Variants in CAMK2B observed in about 807,000 individuals in gnomAD.
CAMK2B encodes calcium/calmodulin-dependent protein kinase type II subunit beta.
Under a neutral mutation model 93.7 loss-of-function variants are expected in CAMK2B, and 27 were observed. The ratio of observed to expected loss-of-function variants is 0.29; its 90% CI spans 0.21 to 0.40. The LOEUF (loss-of-function observed/expected upper bound fraction) is 0.40. CAMK2B is among the 10% of genes least tolerant of loss of function. The pLI is 1.00. For synonymous variants in CAMK2B, 374 were observed against 358.8 expected (o/e 1.04, Z -0.48); for missense variants, 568 against 895.8 (o/e 0.63, Z 4.67).
chr7:44,308,692 T>A (rs1425008005), intron 1 of CAMK2B, among the ~76,000 whole-genome samples: 1 of 151,964 alleles, frequency 6.6e-6, no homozygotes, highest in Non-Finnish European at 1.5e-5. Flanking sequence ...GCCCCCCATA[T>A]CCCACCTTGT....
chr7:44,232,494 G>A (rs2096588821), intron 16 of CAMK2B, among the ~76,000 whole-genome samples: 1 of 152,156 alleles, frequency 6.6e-6, no homozygotes, highest in African/African-American at 2.4e-5. Flanking sequence ...CAAGGATGCA[G>A]CTCCTGAGAT....
intron 6 of CAMK2B, among the ~76,000 whole-genome samples, chr7:44,245,504 T>C (rs1000341681): frequency 2.0e-5 from 3 of 152,144 alleles, no homozygotes; most frequent in African/African-American, 7.2e-5. Context: ...GGCTCCAGAG[T>C]TAACCAGATA....
chr7:44,270,307 G>A (rs2096962584), intron 2 of CAMK2B, among the ~76,000 whole-genome samples: 1 of 152,182 alleles, frequency 6.6e-6, no homozygotes, highest in South Asian at 2.1e-4. Context: ...GCCCTGGCCT[G>A]GAAGCAGTGG....
At chr7:44,244,980 A>G (rs917235896) in intron 6 of CAMK2B, 1 of 455,850 alleles carries the variant, frequency 2.2e-6, no homozygotes, top group Non-Finnish European at 4.4e-6. Flanking sequence ...GATTTTGCCA[A>G]CGTGAGTGGG....
At chr7:44,272,873 G>A (rs531374584) in intron 2 of CAMK2B, among the ~76,000 whole-genome samples, 1 of 152,332 alleles carries the variant, frequency 6.6e-6, no homozygotes, top group African/African-American at 2.4e-5. Context: ...CAGCTTGCGG[G>A]GTGCAGCTCA....
At chr7:44,283,661 C>T (rs575273563) in intron 2 of CAMK2B, among the ~76,000 whole-genome samples, 2 of 152,368 alleles carry the variant, frequency 1.3e-5, no homozygotes, top group East Asian at 3.9e-4. Context: ...CCAACCGCAG[C>T]ACTGCCCGGT....
intron 2 of CAMK2B, among the ~76,000 whole-genome samples, chr7:44,281,883 C>T (rs936937202): frequency 6.6e-6 from 1 of 152,214 alleles, no homozygotes; most frequent in African/African-American, 2.4e-5. Flanking sequence ...TCCAGGACCC[C>T]CACCTGCCTC....
chr7:44,280,127 G>C (rs755435762), intron 2 of CAMK2B, among the ~76,000 whole-genome samples: 2 of 152,196 alleles, frequency 1.3e-5, no homozygotes, highest in Non-Finnish European at 2.9e-5. Flanking sequence ...CCGAGGTCTC[G>C]CACAATTGAG....
chr7:44,265,683 C>T (rs1484400344), intron 2 of CAMK2B, among the ~76,000 whole-genome samples: 1 of 152,190 alleles, frequency 6.6e-6, no homozygotes, highest in Non-Finnish European at 1.5e-5. Context: ...ATACCTATTC[C>T]TGAGCATGTG....
At position 44,234,583 on chromosome 7, in the gene CAMK2B, G is replaced by A. The variant is rs567739612; in HGVS notation, c.1059+56C>T. The A allele has an allele frequency of 2.5e-6, 4 of 1,606,018 alleles. No individual in the cohort carries two copies. The African/African-American group carries it at 4.0e-5, about 16-fold the overall frequency. On this transcript the variant is annotated intron_variant, in intron 14 of 23. Transcript: ENST00000395749. ...CAGAGCAGGAGCCCCAGGGCGTGGG[G>A]GTGAAGCTGCAGGCTCTGGGCTCCC...
chr7:44,230,707 TTTCCCC>T (rs2096570957), intron 17 of CAMK2B, among the ~76,000 whole-genome samples: 1 of 152,238 alleles, frequency 6.6e-6, no homozygotes, highest in Non-Finnish European at 1.5e-5. Context: ...CATGGGCCTG[TTTCCCC>T]GTGAGGGTCC....
intron 3 of CAMK2B, among the ~76,000 whole-genome samples, chr7:44,260,623 C>T (rs942288396): frequency 3.9e-5 from 6 of 152,156 alleles, no homozygotes; most frequent in Non-Finnish European, 8.8e-5. Context: ...ATTATGTAAC[C>T]TTTGTGGTGC....
At chr7:44,253,885 A>G (rs2096804808) in intron 5 of CAMK2B, among the ~76,000 whole-genome samples, 1 of 148,798 alleles carries the variant, frequency 6.7e-6, no homozygotes, top group South Asian at 2.1e-4. Context: ...GGTGTGAGCT[A>G]CCATGCCTGG....
chr7:44,307,052 AG>A (rs1791959833), intron 1 of CAMK2B, among the ~76,000 whole-genome samples: 1 of 88,692 alleles, frequency 1.1e-5, no homozygotes. Flanking sequence ...GGCGGTGAGC[AG>A]GGGGAGGAGG....
At chr7:44,272,669 C>T (rs2096985776) in intron 2 of CAMK2B, among the ~76,000 whole-genome samples, 4 of 152,214 alleles carry the variant, frequency 2.6e-5, no homozygotes, top group Admixed American at 2.6e-4. Flanking sequence ...GAGCCGAGGG[C>T]CTCGTCACTA....
rs191414856 is a variant in CAMK2B, at chr7:44,228,734, G to A, written c.1468+62C>T. 3.1e-3 allele frequency: 4,354 copies of A among 1,396,262 alleles called. 15 individuals are homozygous for A. Among genetic ancestry groups the A allele is most frequent in the Admixed American group, 0.015 (500 of 32,880 alleles). The allele number at this position is 1,396,262 out of a possible 1,614,324, so 86.5% of individuals were successfully genotyped here. ...GCATGCAGGTGGGAAGCTGCTGAGCGCCGGCCATTCGCAGGGAGCTGTCCG... is the reference window on the plus strand; with the variant it reads ...GCATGCAGGTGGGAAGCTGCTGAGCACCGGCCATTCGCAGGGAGCTGTCCG... On this transcript the variant is annotated intron_variant, in intron 19 of 23. Coordinates refer to ENST00000395749, the MANE Select transcript of CAMK2B (RefSeq NM_001220.5).
intron 13 of CAMK2B, among the ~76,000 whole-genome samples, chr7:44,237,492 T>C (rs2096637224): frequency 6.6e-6 from 1 of 152,212 alleles, no homozygotes; most frequent in East Asian, 1.9e-4. Context: ...ACATCCTTCC[T>C]TGTGAACCCG....
intron 4 of CAMK2B, 66 bp downstream of exon 4, chr7:44,258,806 T>C: frequency 6.8e-7 from 1 of 1,471,224 alleles, no homozygotes; most frequent in Non-Finnish European, 9.4e-7. Flanking sequence ...CTGGGGAGGC[T>C]GCAGATCCCA....
intron 23 of CAMK2B, 71 bp from the exon 24 acceptor site, chr7:44,219,593 C>T: frequency 6.2e-6 from 1 of 160,246 alleles, no homozygotes; most frequent in Non-Finnish European, 1.4e-5. Flanking sequence ...CTGCTGTCTG[C>T]CATGCGGCAC....
Sources: allele counts gnomAD v4.1 joint callset (sites outside exome capture counted in the v4.1 genomes callset), GRCh38; gene constraint gnomAD v4.1.1; transcripts MANE v1.5; gene names NCBI Gene and HGNC (gene_info 2026-07-23, HGNC 2026-07-21).